Variants in CARF observed in about 807,000 individuals in gnomAD.
The protein encoded by CARF is calcium-responsive transcription factor.
In CARF, 57 loss-of-function variants were observed where a neutral mutation model predicts 82.0. The ratio of observed to expected loss-of-function variants is 0.70; its 90% confidence interval spans 0.56 to 0.87. The LOEUF is 0.87. Among genes scored for constraint, CARF ranks in the 40% least tolerant of loss-of-function variants. The probability of loss-of-function intolerance (pLI) is 0.00; values close to 1 mark genes in which losing one functional copy is unlikely to be tolerated. For synonymous variants in CARF, 268 were observed against 290.1 expected, an observed-to-expected ratio of 0.92 and a Z score of 0.77; for missense variants, 771 against 855.8, an observed-to-expected ratio of 0.90 and a Z score of 1.24.
intron 7 of CARF, among the ~76,000 whole-genome samples, chr2:202,955,229 T>A (rs1325557532): frequency 6.6e-6 from 1 of 152,182 alleles, no homozygotes; most frequent in Non-Finnish European, 1.5e-5. Flanking sequence ...TCCATAAAAG[T>A]ATTTTTGAAT....
intron 5 of CARF, among the ~76,000 whole-genome samples, chr2:202,949,852 A>G (rs542971002): frequency 6.6e-6 from 1 of 152,234 alleles, no homozygotes; most frequent in East Asian, 1.9e-4. Flanking sequence ...GCCTGGCCCA[A>G]TATGACTTTT....
intron 12 of CARF, chr2:202,973,333 T>TAATACAGTC: frequency 3.0e-6 from 1 of 335,902 alleles, no homozygotes; most frequent in Non-Finnish European, 5.7e-6. Flanking sequence ...AATGGAAGTA[T>TAATACAGTC]AATACAGTTC....
chr2:202,963,432 CATTATGGAATACTCCTAGCAGGTATTCT>C (rs975229201), intron 9 of CARF, among the ~76,000 whole-genome samples: 5 of 151,888 alleles, frequency 3.3e-5, no homozygotes, highest in Non-Finnish European at 5.9e-5. Context: ...AATATGGTAA[CATTATGGAATACTCCTAGCAGGTATTCT>C]ATAGACCAGC....
chr2:202,932,842 G>A lies in CARF; in HGVS notation c.-44+8427G>A, dbSNP rs137958597. On this transcript the variant is annotated intron_variant, in intron 3 of 16. Coordinates refer to ENST00000438828, the MANE Select transcript of CARF (RefSeq NM_024744.17). ...CTACTAGATAAGTTTGGTCTGTAGG[G>A]CAGAGTGTCTCAGCTCAACCACTGC... Among the ~76,000 whole-genome samples, 687 of 152,194 alleles carry A rather than the reference G, an allele frequency of 4.5e-3. 1 individual carries two copies. The highest frequency in any genetic ancestry group is 0.01 in the Admixed American group (157 of 15,292).
intron 5 of CARF, among the ~76,000 whole-genome samples, chr2:202,948,181 C>G (rs914391423): frequency 2.6e-5 from 4 of 152,112 alleles, no homozygotes; most frequent in African/African-American, 7.2e-5. Context: ...AGCCTTGTTT[C>G]TGGGCTCTCT....
chr2:202,985,078 A>G lies in CARF; in HGVS notation c.*1454A>G, dbSNP rs572533321. The G allele has an allele frequency of 6.6e-6, 1 of 152,110 alleles. No individual in the cohort carries two copies. The highest frequency in any genetic ancestry group is 2.4e-5 in the African/African-American group (1 of 41,540). 9.4% of individuals were successfully genotyped at this position (152,110 alleles called of 1,614,324 possible). ...TCTCAAAAAAAAAAAAAAGATTGGT[A>G]AACTAGAAATATCAACTATAATTGT... is the stretch of plus-strand genomic sequence containing the variant. On this transcript the variant is annotated 3_prime_UTR_variant, in exon 17 of 17. Coordinates refer to ENST00000438828, the MANE Select transcript of CARF (RefSeq NM_024744.17).
At chr2:202,973,351 T>G in intron 12 of CARF, 1 of 360,936 alleles carries the variant, frequency 2.8e-6, no homozygotes, top group South Asian at 2.2e-5. Context: ...TTCTGCGATT[T>G]GGTCCACCAA....
chr2:202,929,367 G>A (rs1327594020), intron 3 of CARF, among the ~76,000 whole-genome samples: 2 of 152,140 alleles, frequency 1.3e-5, no homozygotes, highest in Admixed American at 6.5e-5. Flanking sequence ...TATATATGGT[G>A]AGAGCTAGGG....
intron 3 of CARF, among the ~76,000 whole-genome samples, chr2:202,927,746 T>C (rs994142159): frequency 3.3e-5 from 5 of 152,096 alleles, no homozygotes; most frequent in African/African-American, 1.2e-4. Context: ...TTGTTAATTA[T>C]AGTCACCCTA....
chr2:202,926,784 C>T (rs1031817504), intron 3 of CARF, among the ~76,000 whole-genome samples: 5 of 152,062 alleles, frequency 3.3e-5, no homozygotes, highest in East Asian at 1.9e-4. Context: ...TTGTAGTTTA[C>T]GATACATATA....
At chr2:202,929,933 G>A (rs1353823857) in intron 3 of CARF, among the ~76,000 whole-genome samples, 1 of 151,988 alleles carries the variant, frequency 6.6e-6, no homozygotes, top group Non-Finnish European at 1.5e-5. Context: ...TCTGTTGATC[G>A]CCTTTGGTAG....
intron 8 of CARF, among the ~76,000 whole-genome samples, chr2:202,958,774 G>A (rs531703434): frequency 6.7e-4 from 102 of 152,032 alleles, no homozygotes; most frequent in Non-Finnish European, 1.1e-3. Context: ...GCATGGTGGC[G>A]CATGCCTGTA....
At chr2:202,950,786 T>G (rs1413415026) in intron 5 of CARF, among the ~76,000 whole-genome samples, 3 of 152,194 alleles carry the variant, frequency 2.0e-5, no homozygotes, top group African/African-American at 7.2e-5. Flanking sequence ...TGCTGCCACT[T>G]CCTATGAACT....
chr2:202,977,785 C>T (rs918001148), intron 14 of CARF, among the ~76,000 whole-genome samples: 3 of 152,140 alleles, frequency 2.0e-5, no homozygotes, highest in African/African-American at 7.2e-5. Flanking sequence ...TCTTAGTACT[C>T]AAATTGTAAT....
chr2:202,977,337 G>A lies in CARF; in HGVS notation c.1558+5G>A. ...TGACAGTTACATTTGCAGAAGGTAG[G>A]TTTTCTTGAATACCTTTAAAATATA... On this transcript the variant is annotated splice_donor_5th_base_variant and intron_variant, in intron 14 of 16. Coordinates refer to ENST00000438828, the MANE Select transcript of CARF (RefSeq NM_024744.17). 2 of 1,601,876 alleles carry A rather than the reference G, an allele frequency of 1.2e-6. No homozygotes were observed. Among genetic ancestry groups the A allele is most frequent in the Non-Finnish European group, 1.7e-6 (2 of 1,169,558 alleles).
chr2:202,961,122 A>G (rs2059303465), intron 8 of CARF, 115 bp from the exon 9 acceptor site: 1 of 809,430 alleles, frequency 1.2e-6, no homozygotes, highest in South Asian at 1.8e-5. Flanking sequence ...GAGGGCACAA[A>G]TGACATTCTC....
At chr2:202,979,251 C>T (rs1032362194) in intron 14 of CARF, among the ~76,000 whole-genome samples, 2 of 151,798 alleles carry the variant, frequency 1.3e-5, no homozygotes, top group Admixed American at 1.3e-4. Context: ...AGCAAGACTC[C>T]ATCTCAAAAA....
intron 5 of CARF, among the ~76,000 whole-genome samples, chr2:202,951,694 A>C (rs1391039434): frequency 1.3e-5 from 2 of 152,172 alleles, no homozygotes; most frequent in Non-Finnish European, 2.9e-5. Flanking sequence ...ACTGAAAAAA[A>C]GTACAATAAA....
chr2:202,936,730 C>T (rs1694009563), intron 3 of CARF, among the ~76,000 whole-genome samples: 1 of 152,156 alleles, frequency 6.6e-6, no homozygotes, highest in Admixed American at 6.5e-5. Flanking sequence ...ACATGATTTG[C>T]AGATATTCTT....
Sources: gnomAD v4.1 joint callset for allele counts (sites outside exome capture counted in the v4.1 genomes callset) on GRCh38, gnomAD v4.1.1 for gene constraint, MANE v1.5 for transcripts, NCBI Gene and HGNC (gene_info 2026-07-23, HGNC 2026-07-21) for gene names.